Variants in MRPL3 observed in about 807,000 individuals in gnomAD.
The protein encoded by MRPL3 is large ribosomal subunit protein uL3m.
In MRPL3, 43 loss-of-function variants were observed where a neutral mutation model predicts 44.3. That is an observed-to-expected ratio of 0.97 (90% CI 0.76 to 1.25). The LOEUF (loss-of-function observed/expected upper bound fraction) is 1.25. MRPL3 is among the 50% of genes most tolerant of loss of function. The probability of loss-of-function intolerance (pLI) is 0.00; values close to 1 mark genes in which losing one functional copy is unlikely to be tolerated. For synonymous variants in MRPL3, 171 were observed against 152.3 expected (o/e 1.12, Z -0.91); for missense variants, 406 against 427.6 (o/e 0.95, Z 0.45).
intron 8 of MRPL3, among the ~76,000 whole-genome samples, chr3:131,468,805 T>TA (rs543155005): frequency 4.0e-5 from 6 of 151,672 alleles, no homozygotes; most frequent in East Asian, 3.9e-4. Flanking sequence ...ATAGAAGGGG[T>TA]AAAAAAAATC....
chr3:131,478,011 G>GT (rs747763781), intron 6 of MRPL3, among the ~76,000 whole-genome samples: 6 of 152,238 alleles, frequency 3.9e-5, no homozygotes, highest in Admixed American at 1.3e-4. Flanking sequence ...TGTGCTGGCC[G>GT]TATGTTTTTG....
chr3:131,501,079 G>A (rs1215552864), intron 2 of MRPL3, among the ~76,000 whole-genome samples: 1 of 152,114 alleles, frequency 6.6e-6, no homozygotes, highest in African/African-American at 2.4e-5. Flanking sequence ...AATAGAAAAG[G>A]CCTTATTCCT....
chr3:131,469,286 C>T (rs1178003836), intron 8 of MRPL3, among the ~76,000 whole-genome samples: 1 of 150,262 alleles, frequency 6.7e-6, no homozygotes, highest in African/African-American at 2.4e-5. Flanking sequence ...GGTATATACC[C>T]TTCCACTCTT....
intron 6 of MRPL3, among the ~76,000 whole-genome samples, chr3:131,479,804 C>T (rs771587061): frequency 2.0e-5 from 3 of 152,172 alleles, no homozygotes; most frequent in African/African-American, 4.8e-5. Flanking sequence ...GAGATCGCGC[C>T]GCTGCACTCC....
At chr3:131,487,983 G>C (rs966142930) in intron 5 of MRPL3, among the ~76,000 whole-genome samples, 1 of 152,140 alleles carries the variant, frequency 6.6e-6, no homozygotes, top group Non-Finnish European at 1.5e-5. Context: ...CAGTGTTCTT[G>C]CTGTCAAACA....
At chr3:131,499,151 T>A (rs907538809) in intron 3 of MRPL3, among the ~76,000 whole-genome samples, 10 of 152,252 alleles carry the variant, frequency 6.6e-5, no homozygotes, top group Admixed American at 1.3e-4. Flanking sequence ...TTTATGCATT[T>A]TATGTACTCT....
Position 131,502,908 on chromosome 3 carries a change from C to A in MRPL3, c.-87G>T. On this transcript the variant is annotated 5_prime_UTR_variant, in exon 1 of 10. Transcript: ENST00000264995. The stretch of plus-strand genomic sequence containing the variant: ...AGTCCCCACGCCACCGCCACGTGGA[C>A]GCAGTAGCCGTGGGGAAGTTTTCGC... The A allele has an allele frequency of 8.0e-7, 1 of 1,255,326 alleles. No homozygotes were observed. Among genetic ancestry groups the A allele is most frequent in the Non-Finnish European group, 1.1e-6 (1 of 875,804 alleles). The allele number at this position is 1,255,326 out of a possible 1,614,324, so 77.8% of individuals were successfully genotyped here.
chr3:131,471,031 T>A, intron 7 of MRPL3, 140 bp downstream of exon 7: 2 of 619,744 alleles, frequency 3.2e-6, no homozygotes, highest in Non-Finnish European at 5.8e-6. Context: ...GGGGCAAGGA[T>A]CCATAAAAGG....
intron 4 of MRPL3, 97 bp downstream of exon 4, chr3:131,498,082 C>G: frequency 2.2e-6 from 2 of 905,674 alleles, no homozygotes. Context: ...CAAACAAATG[C>G]AAGTTTGTGG....
At chr3:131,497,345 A>G (rs1934390869) in intron 4 of MRPL3, among the ~76,000 whole-genome samples, 1 of 152,244 alleles carries the variant, frequency 6.6e-6, no homozygotes, top group Non-Finnish European at 1.5e-5. Flanking sequence ...GTGGCATGTA[A>G]TAAATGTTCA....
At chr3:131,473,113 G>C (rs1385213284) in intron 6 of MRPL3, among the ~76,000 whole-genome samples, 1 of 152,090 alleles carries the variant, frequency 6.6e-6, no homozygotes, top group African/African-American at 2.4e-5. Flanking sequence ...AAGCAATCCT[G>C]AGTAAGAATA....
intron 6 of MRPL3, among the ~76,000 whole-genome samples, chr3:131,486,482 A>T (rs971413912): frequency 6.7e-6 from 1 of 149,668 alleles, no homozygotes. Flanking sequence ...GTTTTAGGGT[A>T]CATGTGCACA....
At chr3:131,497,968 T>C in intron 4 of MRPL3, 1 of 559,712 alleles carries the variant, frequency 1.8e-6, no homozygotes, top group South Asian at 2.1e-5. Context: ...AAATTACTTG[T>C]TCCAGATACA....
intron 9 of MRPL3, among the ~76,000 whole-genome samples, chr3:131,467,551 A>G (rs1009596494): frequency 1.3e-4 from 20 of 152,154 alleles, no homozygotes; most frequent in African/African-American, 4.3e-4. Flanking sequence ...TGTTCTCGTG[A>G]TAGTGAGTTC....
At chr3:131,464,670 T>C (rs1459343209) in intron 9 of MRPL3, among the ~76,000 whole-genome samples, 1 of 152,232 alleles carries the variant, frequency 6.6e-6, no homozygotes, top group Non-Finnish European at 1.5e-5. Context: ...ATACTTATTA[T>C]GCTGTAAACA....
intron 3 of MRPL3, among the ~76,000 whole-genome samples, chr3:131,499,745 A>ATAATAC (rs1559834791): frequency 6.6e-6 from 1 of 151,894 alleles, no homozygotes; most frequent in Non-Finnish European, 1.5e-5. Context: ...AATAATAATA[A>ATAATAC]TAATAATAAC....
At chr3:131,489,715 G>A (rs768112107) in intron 5 of MRPL3, among the ~76,000 whole-genome samples, 43 of 151,512 alleles carry the variant, frequency 2.8e-4, no homozygotes, top group Admixed American at 1.1e-3. Context: ...AAAAGTTAGT[G>A]TATTTCTTTG....
intron 6 of MRPL3, among the ~76,000 whole-genome samples, chr3:131,476,202 T>G (rs1341878711): frequency 6.6e-6 from 1 of 152,222 alleles, no homozygotes; most frequent in Non-Finnish European, 1.5e-5. Context: ...GAATACATCA[T>G]GTAGTTATAC....
intron 3 of MRPL3, among the ~76,000 whole-genome samples, chr3:131,498,750 T>G: frequency 7.3e-6 from 1 of 137,362 alleles, no homozygotes; most frequent in Middle Eastern, 3.5e-3. Context: ...AAAGAACATA[T>G]ACAACAAAAT....
Sources: gnomAD v4.1 joint callset for allele counts (sites outside exome capture counted in the v4.1 genomes callset) on GRCh38, gnomAD v4.1.1 for gene constraint, MANE v1.5 for transcripts, NCBI Gene and HGNC (gene_info 2026-07-23, HGNC 2026-07-21) for gene names.